BTAF1: variants seen among roughly 807,000 people sequenced by gnomAD.
BTAF1 encodes the protein B-TFIID TATA-box binding protein associated factor 1, also known as TATA-binding protein-associated factor 172.
BTAF1 carries 38 observed loss-of-function variants against 227.1 expected under a neutral mutation model. The ratio of observed to expected loss-of-function variants is 0.17; its 90% CI spans 0.13 to 0.22. The LOEUF (loss-of-function observed/expected upper bound fraction) is 0.22. BTAF1 is among the 10% of genes least tolerant of loss of function. BTAF1 has a pLI of 1.00. For missense variants in BTAF1, 1,598 were observed against 2,204.0 expected, an observed-to-expected ratio of 0.73 and a Z score of 5.51; for synonymous variants, 742 against 751.9, an observed-to-expected ratio of 0.99 and a Z score of 0.21.
chr10:91,997,268 G>T, intron 24 of BTAF1: 1 of 731,060 alleles, frequency 1.4e-6, no homozygotes, highest in South Asian at 1.6e-5. Flanking sequence ...TACTTACAAT[G>T]TGACTTATTT....
At chr10:92,026,822 C>T in intron 36 of BTAF1, 71 bp downstream of exon 36, 2 of 1,493,310 alleles carry the variant, frequency 1.3e-6, no homozygotes, top group Non-Finnish European at 1.8e-6. Context: ...AGATAGGAAA[C>T]CTTGGTTTAG....
chr10:92,013,164 G>A (rs1850487753), intron 30 of BTAF1, among the ~76,000 whole-genome samples: 1 of 152,226 alleles, frequency 6.6e-6, no homozygotes, highest in African/African-American at 2.4e-5. Context: ...ATGAAAAAGT[G>A]CTGGTTTCTT....
intron 14 of BTAF1, among the ~76,000 whole-genome samples, chr10:91,976,635 G>A (rs1280404290): frequency 3.9e-5 from 6 of 152,008 alleles, no homozygotes; most frequent in African/African-American, 1.4e-4. Context: ...GATCAAATAC[G>A]TTTCTTTTTA....
At chr10:91,937,264 A>G (rs1031011366) in intron 2 of BTAF1, among the ~76,000 whole-genome samples, 1 of 152,030 alleles carries the variant, frequency 6.6e-6, no homozygotes, top group African/African-American at 2.4e-5. Context: ...AAGTGCTGGG[A>G]TTGCAGGCGT....
intron 34 of BTAF1, among the ~76,000 whole-genome samples, chr10:92,020,286 A>G (rs58962582): frequency 0.012 from 1,760 of 152,178 alleles, 37 homozygotes; most frequent in African/African-American, 0.04. Context: ...TGCATACTCT[A>G]TCATTTTGCT....
intron 23 of BTAF1, 107 bp downstream of exon 23, chr10:91,994,751 C>T: frequency 1.1e-6 from 1 of 913,824 alleles, no homozygotes; most frequent in Non-Finnish European, 1.7e-6. Context: ...TTATTAATTG[C>T]ATTTTTCTTT....
Position 91,997,623 on chromosome 10 carries a change from G to A in BTAF1, c.3532G>A (p.Val1178Ile), listed in dbSNP as rs1849230475. The A allele has an allele frequency of 6.2e-7, 1 of 1,613,428 alleles. No homozygotes were observed. The highest frequency in any genetic ancestry group is 8.5e-7 in the Non-Finnish European group (1 of 1,179,466). The change falls in exon 25 of 38, where the codon GTT (valine) becomes ATT (isoleucine). Residue 1178 changes from valine to isoleucine, a missense_variant. Val to Ile is a conservative substitution (Grantham distance 29). Coordinates refer to ENST00000265990, the MANE Select transcript of BTAF1 (RefSeq NM_003972.3). ...CTCAGGTGTAATGGAACAACTAGAT[G>A]TTGGTATTGTTCCATATATTGTCCT... Reference protein sequence around the residue: ...ALACVMEQLDVGIVPYIVLLV... With the variant: ...ALACVMEQLDIGIVPYIVLLV...
intron 2 of BTAF1, among the ~76,000 whole-genome samples, chr10:91,937,291 C>T (rs1844686196): frequency 6.6e-6 from 1 of 152,102 alleles, no homozygotes; most frequent in African/African-American, 2.4e-5. Context: ...CCGCTCCTGG[C>T]CGGTTTTGTT....
chr10:91,973,860 C>T (rs554146217), intron 14 of BTAF1, among the ~76,000 whole-genome samples: 174 of 145,416 alleles, frequency 1.2e-3, no homozygotes, highest in Admixed American at 0.011. Flanking sequence ...GCTGAGATCC[C>T]GCCACTGCAC....
intron 34 of BTAF1, among the ~76,000 whole-genome samples, chr10:92,019,955 C>T (rs1364321266): frequency 6.0e-5 from 9 of 149,720 alleles, no homozygotes; most frequent in Admixed American, 4.6e-4. Flanking sequence ...CTCCTGGCCT[C>T]AAACGATCCT....
Position 92,018,935 on chromosome 10 carries a change from A to G in BTAF1, c.4863A>G (p.Gln1621=). ...CCCCTAAGCTCTCAGCTTTGAAACA[A>G]GTATGTATGTCTTTTAAGTGTTAAA... ...QHAPKLSALK[Q]LLLDCGLGNG... The change falls in exon 34 of 38, where the codon CAA becomes CAG. Residue 1621 remains glutamine, a splice_region_variant and synonymous_variant. Transcript: ENST00000265990. 6.4e-7 allele frequency: 1 copy of G among 1,557,122 alleles called. No homozygotes were observed. The highest frequency in any genetic ancestry group is 8.7e-7 in the Non-Finnish European group (1 of 1,155,628).
chr10:92,026,277 G>T (rs909791920), intron 35 of BTAF1, among the ~76,000 whole-genome samples: 1 of 152,058 alleles, frequency 6.6e-6, no homozygotes, highest in Non-Finnish European at 1.5e-5. Flanking sequence ...TACTTTAAAG[G>T]TTCATAGTTG....
At chr10:91,990,750 G>A (rs1462848907) in intron 20 of BTAF1, among the ~76,000 whole-genome samples, 3 of 151,286 alleles carry the variant, frequency 2.0e-5, no homozygotes, top group East Asian at 2.0e-4. Context: ...CTGAGATCGC[G>A]CCATTGTATT....
At chr10:91,959,951 TGAG>T in intron 10 of BTAF1, 24 bp from the exon 11 acceptor site, 1 of 1,601,024 alleles carries the variant, frequency 6.2e-7, no homozygotes, top group Non-Finnish European at 8.5e-7. Context: ...TTTGCAAATA[TGAG>T]TTTTCTTCCT....
chr10:92,002,012 A>G (rs1849581867), intron 25 of BTAF1, among the ~76,000 whole-genome samples: 1 of 76,016 alleles, frequency 1.3e-5, no homozygotes, highest in Non-Finnish European at 3.5e-5. Flanking sequence ...ACACACACAC[A>G]CACTCCATAT....
At chr10:91,995,976 A>G (rs960171667) in intron 23 of BTAF1, among the ~76,000 whole-genome samples, 9 of 152,176 alleles carry the variant, frequency 5.9e-5, no homozygotes, top group African/African-American at 2.2e-4. Context: ...TTATGTACCT[A>G]AATCTAAATT....
At chr10:92,009,251 A>C in intron 28 of BTAF1, 43 bp downstream of exon 28, 1 of 1,576,020 alleles carries the variant, frequency 6.3e-7, no homozygotes, top group South Asian at 1.1e-5. Context: ...ATCTGTTGTC[A>C]TAATTAAGAT....
At chr10:91,948,523 C>T (rs936109145) in intron 4 of BTAF1, among the ~76,000 whole-genome samples, 3 of 150,944 alleles carry the variant, frequency 2.0e-5, no homozygotes, top group South Asian at 2.1e-4. Flanking sequence ...ACCACAGGCA[C>T]GTGCCACCAC....
intron 9 of BTAF1, 45 bp from the exon 10 acceptor site, chr10:91,959,740 G>GTGTGTGTGTA (rs1239373067): frequency 5.8e-4 from 132 of 226,502 alleles, no homozygotes; most frequent in Non-Finnish European, 8.3e-4. Context: ...GTGTGTGTGT[G>GTGTGTGTGTA]TATATATATA....
Sources: allele counts gnomAD v4.1 joint callset (sites outside exome capture counted in the v4.1 genomes callset), GRCh38; gene constraint gnomAD v4.1.1; transcripts MANE v1.5; gene names NCBI Gene and HGNC (gene_info 2026-07-23, HGNC 2026-07-21).